The following OR2M3 variants were observed in gnomAD, a reference collection of about 807,000 sequenced individuals.
The protein encoded by OR2M3 is olfactory receptor family 2 subfamily M member 3.
OR2M3 carries 1 observed loss-of-function variant against 4.3 expected under a neutral mutation model. The observed-to-expected ratio is 0.23, with a 90% CI of 0.08 to 1.11. The LOEUF is 1.11. Among genes scored for constraint, OR2M3 ranks in the 50% most tolerant of loss-of-function variants. The pLI is 0.54. For synonymous variants in OR2M3, 151 were observed against 139.4 expected (o/e 1.08, Z -0.59); for missense variants, 410 against 390.4 (o/e 1.05, Z -0.42).
Position 248,203,390 on chromosome 1 carries a change from T to C in OR2M3, c.323T>C (p.Leu108Pro). The C allele has an allele frequency of 4.3e-6, 7 of 1,614,074 alleles. No individual in the cohort carries two copies. The highest frequency in any genetic ancestry group is 5.9e-6 in the Non-Finnish European group (7 of 1,179,978). Residue 108 changes from leucine (L) to proline (P), a missense_variant, in exon 2 of 2, where the codon CTT becomes CCT. By Grantham distance (98) the Leu-to-Pro change is moderately conservative. Transcript: ENST00000641626. The stretch of plus-strand genomic sequence containing the variant: ...CAAATTTTCTTCTATACATCACTGC[T>C]TGGCTCTGAGTGCTTTCTTTTGGCT... ...ATQIFFYTSLLGSECFLLAVM... is the reference protein window; with the variant it reads ...ATQIFFYTSLPGSECFLLAVM...
At position 248,204,483 on chromosome 1, in the gene OR2M3, TATG is replaced by T. The variant is rs1171629884; in HGVS notation, c.*481_*483del. On this transcript the variant is annotated 3_prime_UTR_variant, in exon 2 of 2. Transcript: ENST00000641626. ...TAGTTTCAACATATGAATGTGAACG[TATG>T]ATGTTTGGTTTTTCATTCCTGAGTT... The T allele has an allele frequency of 6.5e-6, 1 of 153,614 alleles. No individual in the cohort carries two copies. Among genetic ancestry groups the T allele is most frequent in the East Asian group, 1.9e-4 (1 of 5,214 alleles). 9.5% of individuals were successfully genotyped at this position (153,614 alleles called of 1,614,324 possible).
rs76016101 is a variant in OR2M3, at chr1:248,208,878, A to T, written c.*4872A>T. The T allele has an allele frequency of 3.7e-3, 567 of 152,312 alleles. 8 individuals are homozygous for T. The highest frequency in any genetic ancestry group is 0.013 in the African/African-American group (534 of 41,578). 9.4% of individuals were successfully genotyped at this position (152,312 alleles called of 1,614,324 possible). ...TGAGTTTGGATGTTTAGATCCAGCA[A>T]GGCTGGTAGTAATTTTCCTCTATTA... On this transcript the variant is annotated 3_prime_UTR_variant, in exon 2 of 2. Transcript: ENST00000641626.
At position 248,203,427 on chromosome 1, in the gene OR2M3, T is replaced by C. The variant is rs750615241; in HGVS notation, c.360T>C (p.Tyr120=). Residue 120 remains tyrosine (Y), a synonymous_variant, in exon 2 of 2, where the codon TAT becomes TAC. Coordinates refer to ENST00000641626, the MANE Select transcript of OR2M3 (RefSeq NM_001004689.2). ...GCTTTCTTTTGGCTGTTATGGCTTA[T>C]GACCGCTACACTGCCATTTGCCACC... The part of the protein sequence containing the change: ...SECFLLAVMA[Y]DRYTAICHPL... The C allele has an allele frequency of 5.6e-6, 9 of 1,613,878 alleles. No homozygotes were observed. Among genetic ancestry groups the C allele is most frequent in the Middle Eastern group, 1.6e-4 (1 of 6,082 alleles).
Position 248,203,839 on chromosome 1 carries a change from A to C in OR2M3, c.772A>C (p.Met258Leu). The change falls in exon 2 of 2, where the codon ATG becomes CTG. Residue 258 changes from methionine to leucine, a missense_variant. Met to Leu is a conservative substitution (Grantham distance 15). Coordinates refer to ENST00000641626, the MANE Select transcript of OR2M3 (RefSeq NM_001004689.2). ...AATGTACTATGGAGCAGCTTTGTTC[A>C]TGTACATACGGCCCACATCTGATCG... is the stretch of plus-strand genomic sequence containing the variant. ...VGMYYGAALF[M>L]YIRPTSDRSP... 6.2e-7 allele frequency: 1 copy of C among 1,613,548 alleles called. No homozygotes were observed. The highest frequency in any genetic ancestry group is 8.5e-7 in the Non-Finnish European group (1 of 1,179,788).
In OR2M3 at chr1:248,204,650, CACAT is replaced by C. The variant is rs1417292632; in HGVS notation, c.*646_*649del. Reference sequence around the variant, plus strand: ...ATATATACGTATATATATACACACACACATATATATATATAACCTTTTCTTTATC... The same window carrying C: ...ATATATACGTATATATATACACACACATATATATATAACCTTTTCTTTATC... On this transcript the variant is annotated 3_prime_UTR_variant, in exon 2 of 2. Transcript: ENST00000641626. The C allele has an allele frequency of 6.6e-6, 1 of 151,070 alleles. No homozygotes were observed. The highest frequency in any genetic ancestry group is 2.4e-5 in the African/African-American group (1 of 40,932). The allele number at this position is 151,070 out of a possible 1,614,324, so 9.4% of individuals were successfully genotyped here. A position where few individuals can be genotyped will look rare whatever the true frequency, so the allele number is the denominator to read the frequency against.
At chr1:248,201,653 C>A (rs910303174) in intron 1 of OR2M3, among the ~76,000 whole-genome samples, 2 of 147,454 alleles carry the variant, frequency 1.4e-5, no homozygotes, top group Non-Finnish European at 3.0e-5. Flanking sequence ...TGTCCATGTG[C>A]TCTCATTATT....
intron 1 of OR2M3, among the ~76,000 whole-genome samples, chr1:248,202,325 A>G (rs1666167182): frequency 6.6e-6 from 1 of 152,074 alleles, no homozygotes; most frequent in Non-Finnish European, 1.5e-5. Flanking sequence ...TTATCAGAAC[A>G]TGAGTCATAA....
At chr1:248,198,423 G>A (rs1238522922) in intron 1 of OR2M3, among the ~76,000 whole-genome samples, 1 of 152,086 alleles carries the variant, frequency 6.6e-6, no homozygotes, top group East Asian at 1.9e-4. Flanking sequence ...GCACATGCAG[G>A]TTGCATTTTT....
rs1203436633 is a variant in OR2M3, at chr1:248,198,144, C to T, written c.-19+843C>T. 2.6e-5 allele frequency among the ~76,000 whole-genome samples: 4 copies of T among 152,120 alleles called. No individual in the cohort carries two copies. The East Asian group carries it at 7.7e-4, about 29-fold the overall frequency. ...TATTTACAAAAATATGTTAGATATACATTTTGTAAAATGCTTTAAAATATT... is the reference window on the plus strand; with the variant it reads ...TATTTACAAAAATATGTTAGATATATATTTTGTAAAATGCTTTAAAATATT... On this transcript the variant is annotated intron_variant, in intron 1 of 1. Transcript: ENST00000641626.
chr1:248,198,371 A>G (rs1458473935), intron 1 of OR2M3, among the ~76,000 whole-genome samples: 1 of 152,190 alleles, frequency 6.6e-6, no homozygotes, highest in Non-Finnish European at 1.5e-5. Context: ...AGACTCATCA[A>G]TGCTACTTCT....
chr1:248,200,286 C>T (rs918615175), intron 1 of OR2M3, among the ~76,000 whole-genome samples: 1 of 152,002 alleles, frequency 6.6e-6, no homozygotes, highest in African/African-American at 2.4e-5. Flanking sequence ...ATAGGTGGTT[C>T]CATAAAGTAA....
chr1:248,202,373 A>C (rs1666167579), intron 1 of OR2M3, among the ~76,000 whole-genome samples: 1 of 152,134 alleles, frequency 6.6e-6, no homozygotes, highest in East Asian at 1.9e-4. Context: ...ATATGATCTC[A>C]CCTTAACTAG....
Position 248,207,123 on chromosome 1 carries a change from T to G in OR2M3, c.*3117T>G, listed in dbSNP as rs1183504983. ...AGGTGTTCATAGTAGCCTTGATTAA[T>G]CATTTGTATTTCTATGGAATCAATT... On this transcript the variant is annotated 3_prime_UTR_variant, in exon 2 of 2. Coordinates refer to ENST00000641626, the MANE Select transcript of OR2M3 (RefSeq NM_001004689.2). 5.9e-5 allele frequency: 9 copies of G among 152,080 alleles called. No homozygotes were observed. Among genetic ancestry groups the G allele is most frequent in the African/African-American group, 2.2e-4 (9 of 41,434 alleles). The allele number at this position is 152,080 out of a possible 1,614,324, so 9.4% of individuals were successfully genotyped here.
Position 248,203,465 on chromosome 1 carries a change from C to A in OR2M3, c.398C>A (p.Thr133Asn). 6.2e-7 allele frequency: 1 copy of A among 1,613,880 alleles called. No individual in the cohort carries two copies. The change falls in exon 2 of 2, where the codon ACC becomes AAC. Residue 133 changes from threonine (T) to asparagine (N), a missense_variant. Coordinates refer to ENST00000641626, the MANE Select transcript of OR2M3 (RefSeq NM_001004689.2). The stretch of plus-strand genomic sequence containing the variant: ...GCCATTTGCCACCCTCTAAGATACA[C>A]CAATCTCATGAGCCCTAAAATTTGT... ...YTAICHPLRY[T>N]NLMSPKICGL...
In OR2M3 at chr1:248,207,308, G is replaced by C. The variant is rs148691588; in HGVS notation, c.*3302G>C. On this transcript the variant is annotated 3_prime_UTR_variant, in exon 2 of 2. Coordinates refer to ENST00000641626, the MANE Select transcript of OR2M3 (RefSeq NM_001004689.2). Reference sequence around the variant, plus strand: ...ATTTTTTTTGTTTCAATTTCATTTAGTTCTGCTCTGATCTTCATTATTTCT... The same window carrying C: ...ATTTTTTTTGTTTCAATTTCATTTACTTCTGCTCTGATCTTCATTATTTCT... 1 of 151,382 alleles carries C rather than the reference G, an allele frequency of 6.6e-6. No homozygotes were observed. Among genetic ancestry groups the C allele is most frequent in the Non-Finnish European group, 1.5e-5 (1 of 67,796 alleles). The allele number at this position is 151,382 out of a possible 1,614,324, so 9.4% of individuals were successfully genotyped here.
rs1666296506 is a variant in OR2M3 at position 248,212,917 on chromosome 1, CTG to C, written c.*8913_*8914del. On this transcript the variant is annotated 3_prime_UTR_variant, in exon 2 of 2. Coordinates refer to ENST00000641626, the MANE Select transcript of OR2M3 (RefSeq NM_001004689.2). ...ATTCATATTATAAAGGATTATATAT[CTG>C]TTGTGGGTGTGAATTATCTAGTATA... The C allele has an allele frequency of 1.3e-5, 2 of 151,624 alleles. No homozygotes were observed. Among genetic ancestry groups the C allele is most frequent in the African/African-American group, 4.8e-5 (2 of 41,250 alleles). 9.4% of individuals were successfully genotyped at this position (151,624 alleles called of 1,614,324 possible). A position where few individuals can be genotyped will look rare whatever the true frequency, so the allele number is the denominator to read the frequency against.
rs796556686 is a variant in OR2M3, at chr1:248,199,381, GT to G, written c.-19+2088del. Among the ~76,000 whole-genome samples the G allele has an allele frequency of 1.8e-3, 272 of 151,778 alleles. 2 individuals carry two copies. The highest frequency in any genetic ancestry group is 6.4e-3 in the African/African-American group (265 of 41,376). ...CAGTGCTGCAACTCAAAATATTCTG[GT>G]TTTTTTTGACAGTGAATAGTCCTGA... On this transcript the variant is annotated intron_variant, in intron 1 of 1. Coordinates refer to ENST00000641626, the MANE Select transcript of OR2M3 (RefSeq NM_001004689.2).
intron 1 of OR2M3, among the ~76,000 whole-genome samples, chr1:248,200,688 A>T (rs1666145853): frequency 6.6e-6 from 1 of 152,126 alleles, no homozygotes; most frequent in Admixed American, 6.6e-5. Flanking sequence ...GCATCTTCCC[A>T]GCCCTTAAGA....
Position 248,207,284 on chromosome 1 carries a change from T to A in OR2M3, c.*3278T>A, listed in dbSNP as rs1214640802. On this transcript the variant is annotated 3_prime_UTR_variant, in exon 2 of 2. Transcript: ENST00000641626. ...CTTTTTGTTTCATTTATCTTTTGTA[T>A]TTTTTTTGTTTCAATTTCATTTAGT... 6.6e-6 allele frequency: 1 copy of A among 151,760 alleles called. No individual in the cohort carries two copies. The highest frequency in any genetic ancestry group is 1.5e-5 in the Non-Finnish European group (1 of 67,832). 9.4% of individuals were successfully genotyped at this position (151,760 alleles called of 1,614,324 possible).
Sources: allele counts gnomAD v4.1 joint callset (sites outside exome capture counted in the v4.1 genomes callset), GRCh38; gene constraint gnomAD v4.1.1; transcripts MANE v1.5; gene names NCBI Gene and HGNC (gene_info 2026-07-23, HGNC 2026-07-21).